SDR42E2: variants seen among roughly 807,000 people sequenced by gnomAD.
SDR42E2 encodes the protein putative short-chain dehydrogenase/reductase family 42E member 2.
SDR42E2 carries 20 observed loss-of-function variants against 10.5 expected under a neutral mutation model. That is an observed-to-expected ratio of 1.90 (90% CI 1.34 to 2.77). The LOEUF is 2.77. Among genes scored for constraint, SDR42E2 ranks in the 30% most tolerant of loss-of-function variants. The pLI, the probability that SDR42E2 is intolerant of heterozygous loss-of-function variation, is 0.00. For synonymous variants in SDR42E2, 72 were observed against 39.2 expected (o/e 1.84, Z -3.12); for missense variants, 162 against 104.2 (o/e 1.55, Z -2.42).
At chr16:22,188,810 A>C (rs1480071830) in intron 12 of SDR42E2, among the ~76,000 whole-genome samples, 2 of 151,934 alleles carry the variant, frequency 1.3e-5, no homozygotes, top group Non-Finnish European at 2.9e-5. Flanking sequence ...CTCCAGTTTG[A>C]CTTTATAGCC....
At position 22,190,404 on chromosome 16, in the gene SDR42E2, T is replaced by TCCGCCGC. The variant is rs998939219; in HGVS notation, c.*16_*22dup. On this transcript the variant is annotated 3_prime_UTR_variant, in exon 13 of 13. Coordinates refer to ENST00000602312, the MANE Select transcript of SDR42E2 (RefSeq NM_001394319.2). ...GTGGAGCGCCTGTGACCGTCCGCCG[T>TCCGCCGC]CCGCCGCCCGCTAGGGTCGGCCCCG... 1 of 401,398 alleles carries TCCGCCGC rather than the reference T, an allele frequency of 2.5e-6. No individual in the cohort carries two copies. Among genetic ancestry groups the TCCGCCGC allele is most frequent in the East Asian group, 3.6e-5 (1 of 28,098 alleles). The allele number at this position is 401,398 out of a possible 1,614,324, so 24.9% of individuals were successfully genotyped here. A position where few individuals can be genotyped will look rare whatever the true frequency, so the allele number is the denominator to read the frequency against.
chr16:22,180,222 G>A (rs997963729), intron 8 of SDR42E2, among the ~76,000 whole-genome samples: 13 of 152,086 alleles, frequency 8.5e-5, no homozygotes, highest in Admixed American at 3.9e-4. Context: ...GGAACAACAT[G>A]GTTGTACTTA....
intron 7 of SDR42E2, among the ~76,000 whole-genome samples, chr16:22,177,824 G>A (rs1441117278): frequency 6.6e-6 from 1 of 151,308 alleles, no homozygotes; most frequent in East Asian, 1.9e-4. Flanking sequence ...GTTTGCATCT[G>A]GCTCTTACCT....
chr16:22,183,826 G>A lies in SDR42E2; in HGVS notation c.877-355G>A, dbSNP rs142848067. ...AAAAAGCTACCTGGCGGGTGTAATG[G>A]CTTATGCCTGTAATCCCAGCACTTT... On this transcript the variant is annotated intron_variant, in intron 10 of 12. Coordinates refer to ENST00000602312, the MANE Select transcript of SDR42E2 (RefSeq NM_001394319.2). 2.2e-3 allele frequency among the ~76,000 whole-genome samples: 340 copies of A among 152,116 alleles called. 1 individual carries two copies. The highest frequency in any genetic ancestry group is 7.8e-3 in the African/African-American group (322 of 41,492).
At chr16:22,174,027 C>T (rs551948621) in intron 7 of SDR42E2, among the ~76,000 whole-genome samples, 83 of 150,466 alleles carry the variant, frequency 5.5e-4, no homozygotes, top group African/African-American at 1.9e-3. Flanking sequence ...TTTGGAGAGT[C>T]GGAGGCTTAA....
chr16:22,163,736 G>A (rs981924116), intron 1 of SDR42E2, among the ~76,000 whole-genome samples: 7 of 151,892 alleles, frequency 4.6e-5, no homozygotes, highest in African/African-American at 7.3e-5. Context: ...ATGAGTGTTC[G>A]TGCTTATACG....
chr16:22,186,655 C>T (rs933135539), intron 11 of SDR42E2, 66 bp from the exon 12 acceptor site: 6 of 401,050 alleles, frequency 1.5e-5, no homozygotes, highest in Non-Finnish European at 2.7e-5. Context: ...TGATTTGTCC[C>T]CAAGGGCCTC....
chr16:22,165,934 G>A (rs760765779), intron 2 of SDR42E2, among the ~76,000 whole-genome samples: 14 of 152,090 alleles, frequency 9.2e-5, no homozygotes, highest in South Asian at 2.1e-4. Flanking sequence ...AGCTGGGTCC[G>A]TACCTGGGCC....
At chr16:22,181,938 C>T (rs1303342036) in intron 9 of SDR42E2, among the ~76,000 whole-genome samples, 21 of 152,060 alleles carry the variant, frequency 1.4e-4, no homozygotes, top group Non-Finnish European at 2.9e-4. Flanking sequence ...CGCATTTAAT[C>T]TTCACAGTAG....
chr16:22,164,782 C>T (rs2046521673), intron 1 of SDR42E2, among the ~76,000 whole-genome samples: 1 of 152,070 alleles, frequency 6.6e-6, no homozygotes, highest in Non-Finnish European at 1.5e-5. Context: ...CATGTGGATT[C>T]TCCTCCTCCT....
At chr16:22,163,198 C>T (rs1008395129) in intron 1 of SDR42E2, among the ~76,000 whole-genome samples, 3 of 152,132 alleles carry the variant, frequency 2.0e-5, no homozygotes, top group African/African-American at 7.2e-5. Context: ...AAGGGCACAC[C>T]CCAATAAGTG....
In SDR42E2 at chr16:22,165,623, A is replaced by G. The variant is rs2046528357; in HGVS notation, c.41A>G (p.Lys14Arg). 3 of 401,418 alleles carry G rather than the reference A, an allele frequency of 7.5e-6. No individual in the cohort carries two copies. Among genetic ancestry groups the G allele is most frequent in the South Asian group, 2.5e-4 (2 of 7,976 alleles). The allele number at this position is 401,418 out of a possible 1,614,324, so 24.9% of individuals were successfully genotyped here. The change falls in exon 2 of 13, where the codon AAA becomes AGA. Residue 14 changes from lysine to arginine, a missense_variant. By Grantham distance (26) the Lys-to-Arg change is conservative. Coordinates refer to ENST00000602312, the MANE Select transcript of SDR42E2 (RefSeq NM_001394319.2). ...CCACGCTCCTCCCTAGAGGCCTGCA[A>G]AGCTGCAGGCCAGGGTGAGAAGAGC... ...NPPRSSLEAC[K>R]AAGQAPQQKT... is the part of the protein sequence containing the mutation.
chr16:22,181,536 G>T lies in SDR42E2; in HGVS notation c.690G>T (p.Arg230Ser), dbSNP rs1311895156. Residue 230 changes from arginine (R) to serine (S), a missense_variant, in exon 9 of 13, where the codon AGG (arginine) becomes AGT (serine). Coordinates refer to ENST00000602312, the MANE Select transcript of SDR42E2 (RefSeq NM_001394319.2). Reference sequence around the variant, plus strand: ...TCCACCAGGGCCACATCAAGAAGAGGCTGTTCATGTTCCGATTTGGGGACC... The same window carrying T: ...TCCACCAGGGCCACATCAAGAAGAGTCTGTTCATGTTCCGATTTGGGGACC... ...LPRVAGHIKKRLFMFRFGDHK... is the reference protein window; with the variant it reads ...LPRVAGHIKKSLFMFRFGDHK... The T allele has an allele frequency of 1.4e-6, 1 of 703,044 alleles. No homozygotes were observed. The highest frequency in any genetic ancestry group is 2.6e-6 in the Non-Finnish European group (1 of 385,006). The allele number at this position is 703,044 out of a possible 1,614,324, so 43.6% of individuals were successfully genotyped here.
intron 7 of SDR42E2, 101 bp downstream of exon 7, chr16:22,172,432 C>A: frequency 1.5e-6 from 1 of 689,508 alleles, no homozygotes; most frequent in South Asian, 1.5e-5. Context: ...TGAGGCCCAC[C>A]TTCCTTCCAA....
In SDR42E2 at chr16:22,173,905, G is replaced by GTGTA. The variant is rs1242574129; in HGVS notation, c.589+1575_589+1576insGTAT. On this transcript the variant is annotated intron_variant, in intron 7 of 12. Transcript: ENST00000602312. ...GGGCTACGTATATATATGTGTGTGT[G>GTGTA]TATATATATATATATATATATATAG... Among the ~76,000 whole-genome samples, 35 of 115,046 alleles carry GTGTA rather than the reference G, an allele frequency of 3.0e-4. No homozygotes were observed. The East Asian group carries it at 3.9e-3, about 13-fold the overall frequency. 75.5% of individuals were successfully genotyped at this position (115,046 alleles called of 152,430 possible).
At position 22,178,276 on chromosome 16, in the gene SDR42E2, C is replaced by T. The variant is rs537449057; in HGVS notation, c.672+64C>T. ...GATCCTGGCTGAGGTGTACACTGGT[C>T]GGGCCCTCCCAGCCCCTGGTCGCTG... is the stretch of plus-strand genomic sequence containing the variant. On this transcript the variant is annotated intron_variant, in intron 8 of 12. Coordinates refer to ENST00000602312, the MANE Select transcript of SDR42E2 (RefSeq NM_001394319.2). The T allele has an allele frequency of 4.8e-4, 322 of 676,620 alleles. 1 individual carries two copies. In the African/African-American group the frequency reaches 5.1e-3, roughly 11 times the overall value. 41.9% of individuals were successfully genotyped at this position (676,620 alleles called of 1,614,324 possible). A position where few individuals can be genotyped will look rare whatever the true frequency, so the allele number is the denominator to read the frequency against.
At chr16:22,184,720 G>C (rs1271723293) in intron 11 of SDR42E2, among the ~76,000 whole-genome samples, 1 of 152,180 alleles carries the variant, frequency 6.6e-6, no homozygotes, top group African/African-American at 2.4e-5. Flanking sequence ...GCCTGAGTTT[G>C]CACTTGTCTG....
chr16:22,165,653 C>A lies in SDR42E2; in HGVS notation c.55+16C>A, dbSNP rs2046528645. The A allele has an allele frequency of 2.5e-6, 1 of 401,716 alleles. No homozygotes were observed. Among genetic ancestry groups the A allele is most frequent in the Non-Finnish European group, 4.4e-6 (1 of 226,642 alleles). The allele number at this position is 401,716 out of a possible 1,614,324, so 24.9% of individuals were successfully genotyped here. A position where few individuals can be genotyped will look rare whatever the true frequency, so the allele number is the denominator to read the frequency against. ...GCAGGCCAGGGTGAGAAGAGCTGCCCTGTCTGCCAGGCCTGTGGAGAGGTC... is the reference window on the plus strand; with the variant it reads ...GCAGGCCAGGGTGAGAAGAGCTGCCATGTCTGCCAGGCCTGTGGAGAGGTC... On this transcript the variant is annotated intron_variant, in intron 2 of 12. Transcript: ENST00000602312.
At chr16:22,175,533 C>T (rs1159081370) in intron 7 of SDR42E2, among the ~76,000 whole-genome samples, 1 of 150,652 alleles carries the variant, frequency 6.6e-6, no homozygotes. Flanking sequence ...GTAGGCTACA[C>T]TCCTTCCTTT....
Sources: allele counts gnomAD v4.1 joint callset (sites outside exome capture counted in the v4.1 genomes callset), GRCh38; gene constraint gnomAD v4.1.1; transcripts MANE v1.5; gene names NCBI Gene and HGNC (gene_info 2026-07-23, HGNC 2026-07-21).